Variants in ZMYND8 observed in about 807,000 individuals in gnomAD.
ZMYND8 encodes the protein MYND-type zinc finger-containing chromatin reader ZMYND8.
A neutral mutation model predicts 140.8 loss-of-function variants in ZMYND8; 37 were observed. The observed-to-expected ratio is 0.26, with a 90% CI of 0.20 to 0.35. The LOEUF is 0.35. Among genes scored for constraint, ZMYND8 ranks in the 10% least tolerant of loss-of-function variants. The probability of loss-of-function intolerance (pLI) is 1.00; values close to 1 mark genes in which losing one functional copy is unlikely to be tolerated. For synonymous variants in ZMYND8, 592 were observed against 597.1 expected (o/e 0.99, Z 0.12); for missense variants, 1,068 against 1,570.0 (o/e 0.68, Z 5.40).
At position 47,309,467 on chromosome 20, in the gene ZMYND8, A is replaced by G. The variant is rs534587094; in HGVS notation, c.234+589T>C. Among the ~76,000 whole-genome samples, 5 of 152,252 alleles carry G rather than the reference A, an allele frequency of 3.3e-5. No individual in the cohort carries two copies. The South Asian group carries it at 8.3e-4, about 25-fold the overall frequency. On this transcript the variant is annotated intron_variant, in intron 3 of 22. Coordinates refer to ENST00000471951, the MANE Select transcript of ZMYND8 (RefSeq NM_001281775.3). ...ACTACAGGCGCATGCCACCATGCTCAGCTAACTTTTTTTGTATTTTTAGTA... is the reference window on the plus strand; with the variant it reads ...ACTACAGGCGCATGCCACCATGCTCGGCTAACTTTTTTTGTATTTTTAGTA...
At chr20:47,291,631 T>TA in intron 6 of ZMYND8, among the ~76,000 whole-genome samples, 165 bp downstream of exon 6, 1 of 152,384 alleles carries the variant, frequency 6.6e-6, no homozygotes, top group South Asian at 2.1e-4. Context: ...GGAAAGACGT[T>TA]AGAGAATCAA....
chr20:47,283,764 A>G (rs182146647), intron 8 of ZMYND8, 116 bp from the exon 9 acceptor site: 1 of 999,924 alleles, frequency 1.0e-6, no homozygotes, highest in African/African-American at 1.6e-5. Context: ...TAGAGGGAAC[A>G]CCTTGGAGAT....
rs2077813955 is a variant in ZMYND8 at position 47,298,825 on chromosome 20, T to C, written c.357A>G (p.Gln119=). Reference sequence around the variant, plus strand: ...GGGGACAGAGCTCACAGCAAAGGACTTGGCCTTCCCGGTGACAAACCCAGC... The same window carrying C: ...GGGGACAGAGCTCACAGCAAAGGACCTGGCCTTCCCGGTGACAAACCCAGC... ...FYCWVCHREG[Q]VLCCELCPRV... is the part of the protein sequence containing the mutation. Residue 119 remains glutamine (Q), a synonymous_variant, in exon 4 of 23, where the codon CAA becomes CAG. Transcript: ENST00000471951. This position sits in a 1 kb window ranked among gnomAD's most constrained non-coding sequence, Gnocchi z 5.0. 3 of 1,614,076 alleles carry C rather than the reference T, an allele frequency of 1.9e-6. No homozygotes were observed. Among genetic ancestry groups the C allele is most frequent in the African/African-American group, 2.7e-5 (2 of 74,922 alleles).
At chr20:47,262,571 G>A in intron 11 of ZMYND8, 143 bp from the exon 12 acceptor site, 2 of 1,156,764 alleles carry the variant, frequency 1.7e-6, no homozygotes, top group East Asian at 5.2e-5. Context: ...ATGGGGTGGG[G>A]TGGAGCATAG....
At chr20:47,254,455 C>A (rs1490962526) in intron 12 of ZMYND8, among the ~76,000 whole-genome samples, 2 of 152,078 alleles carry the variant, frequency 1.3e-5, no homozygotes, top group Non-Finnish European at 2.9e-5. Context: ...AGAAGCGTAG[C>A]GTCAGTAAGT....
At chr20:47,280,047 C>T (rs868766465) in intron 10 of ZMYND8, among the ~76,000 whole-genome samples, 29 of 149,390 alleles carry the variant, frequency 1.9e-4, no homozygotes, top group African/African-American at 4.7e-4. Flanking sequence ...TGGCTGAATC[C>T]GGGAAGAGAA....
At chr20:47,211,893 GGAAGATAAGCAGT>G (rs2035318465) in intron 22 of ZMYND8, among the ~76,000 whole-genome samples, 2 of 152,116 alleles carry the variant, frequency 1.3e-5, no homozygotes, top group African/African-American at 4.8e-5. Context: ...CATGAGTTCT[GGAAGATAAGCAGT>G]GAAGAGAATG....
chr20:47,274,834 A>G (rs2076161241), intron 11 of ZMYND8, among the ~76,000 whole-genome samples: 2 of 152,236 alleles, frequency 1.3e-5, no homozygotes, highest in African/African-American at 4.8e-5. Flanking sequence ...AGGAAAAGAA[A>G]AAAGAAAAAA....
intron 1 of ZMYND8, chr20:47,353,744 T>C (rs569988753): frequency 6.6e-6 from 1 of 152,320 alleles, no homozygotes; most frequent in East Asian, 1.9e-4. Context: ...ATTCTGTTCC[T>C]CCTTCTGCAA....
intron 3 of ZMYND8, among the ~76,000 whole-genome samples, chr20:47,299,573 TTTTTC>T (rs1444514447): frequency 6.6e-6 from 1 of 151,992 alleles, no homozygotes; most frequent in African/African-American, 2.4e-5. Context: ...CCTAATTTTT[TTTTTC>T]TTTTTCTTTT....
chr20:47,214,264 TCAACA>T (rs1437030192), intron 21 of ZMYND8, among the ~76,000 whole-genome samples: 1 of 152,194 alleles, frequency 6.6e-6, no homozygotes, highest in Non-Finnish European at 1.5e-5. Context: ...ACGTGACCTG[TCAACA>T]CAAACTGCTT....
chr20:47,213,027 T>G (rs2035508993), intron 21 of ZMYND8, among the ~76,000 whole-genome samples: 1 of 152,162 alleles, frequency 6.6e-6, no homozygotes, highest in African/African-American at 2.4e-5. Flanking sequence ...AACCACTAGC[T>G]CTGCCAATAG....
chr20:47,277,126 A>C (rs2076303429), intron 10 of ZMYND8, among the ~76,000 whole-genome samples: 1 of 152,220 alleles, frequency 6.6e-6, no homozygotes, highest in South Asian at 2.1e-4. Context: ...AACACCTCTG[A>C]AAAGAGACTT....
chr20:47,274,928 C>A (rs888024485), intron 11 of ZMYND8, among the ~76,000 whole-genome samples: 2 of 152,170 alleles, frequency 1.3e-5, no homozygotes, highest in African/African-American at 4.8e-5. Flanking sequence ...CTCTTGGGGA[C>A]ATTCATGGTA....
In ZMYND8 at chr20:47,287,265, T is replaced by A; in HGVS notation, c.768A>T (p.Gln256His). ...AGATTTTGATGACTACTTTCGCTAT[T>A]TGCGTCAATTTGTGATTTCCTAAGG... ...IYNGGNHKLT[Q>H]IAKVVIKICE... Residue 256 changes from glutamine (Q) to histidine (H), a missense_variant, in exon 8 of 23, where the codon CAA becomes CAT. Transcript: ENST00000471951. 3.1e-6 allele frequency: 5 copies of A among 1,613,836 alleles called. No homozygotes were observed. The highest frequency in any genetic ancestry group is 4.2e-6 in the Non-Finnish European group (5 of 1,179,728).
At chr20:47,318,948 T>TA (rs2079660173) in intron 2 of ZMYND8, 2 of 1,350,926 alleles carry the variant, frequency 1.5e-6, no homozygotes, top group Non-Finnish European at 2.0e-6. Context: ...AGGAGGCACT[T>TA]ACCTGCCATT....
intron 12 of ZMYND8, among the ~76,000 whole-genome samples, chr20:47,252,176 C>A (rs918582365): frequency 6.6e-6 from 1 of 150,898 alleles, no homozygotes; most frequent in African/African-American, 2.4e-5. Flanking sequence ...TGCCTGTAAT[C>A]CCCGGTACTC....
intron 4 of ZMYND8, among the ~76,000 whole-genome samples, chr20:47,295,481 A>T (rs1465741772): frequency 6.6e-6 from 1 of 152,240 alleles, no homozygotes; most frequent in Non-Finnish European, 1.5e-5. Flanking sequence ...TCAACCATTT[A>T]TCCTGATCCT....
chr20:47,255,186 C>A (rs1345632515), intron 12 of ZMYND8, among the ~76,000 whole-genome samples: 2 of 151,958 alleles, frequency 1.3e-5, no homozygotes, highest in African/African-American at 4.8e-5. Context: ...GAGACAAAAA[C>A]CATTCAGAAC....
Sources: gnomAD v4.1 joint callset for allele counts (sites outside exome capture counted in the v4.1 genomes callset) on GRCh38, gnomAD v4.1.1 for gene constraint, Gnocchi (gnomAD v3.1) non-coding constraint, MANE v1.5 for transcripts, NCBI Gene and HGNC (gene_info 2026-07-23, HGNC 2026-07-21) for gene names.